RPH3A: variants seen among roughly 807,000 people sequenced by gnomAD.
RPH3A encodes the protein rabphilin-3A.
RPH3A carries 48 observed loss-of-function variants against 102.2 expected under a neutral mutation model. The ratio of observed to expected loss-of-function variants is 0.47; its 90% confidence interval spans 0.37 to 0.60. The LOEUF (loss-of-function observed/expected upper bound fraction) is 0.60. Ranked by LOEUF, RPH3A falls within the 20% of genes least tolerant of loss-of-function variation. The pLI, the probability that RPH3A is intolerant of heterozygous loss-of-function variation, is 0.00. For synonymous variants in RPH3A, 310 were observed against 324.3 expected (o/e 0.96, Z 0.47); for missense variants, 781 against 910.1 (o/e 0.86, Z 1.83).
rs1566255250 is a variant in RPH3A, at chr12:112,678,291, A to AGAGAGAGAGAG, written c.-140+102972_-140+102973insGAGAGAGAGAG. ...AAAGAAAGAAAGAAAGAAAGAAAGA[A>AGAGAGAGAGAG]AGAAAGAAAGAAAGAGAGAGAGAGA... On this transcript the variant is annotated intron_variant, in intron 1 of 21. Transcript: ENST00000543106. Among the ~76,000 whole-genome samples the AGAGAGAGAGAG allele has an allele frequency of 1.2e-3, 37 of 30,730 alleles. 2 individuals are homozygous for AGAGAGAGAGAG. Among genetic ancestry groups the AGAGAGAGAGAG allele is most frequent in the African/African-American group, 2.5e-3 (16 of 6,368 alleles). 20.2% of individuals were successfully genotyped at this position (30,730 alleles called of 152,430 possible). A position where few individuals can be genotyped will look rare whatever the true frequency, so the allele number is the denominator to read the frequency against.
intron 1 of RPH3A, among the ~76,000 whole-genome samples, chr12:112,644,904 G>A (rs529370693): frequency 6.6e-6 from 1 of 152,232 alleles, no homozygotes; most frequent in Admixed American, 6.5e-5. Flanking sequence ...AAATCAACAC[G>A]GAGAAAAGCA....
chr12:112,738,186 GTTAA>G (rs1159348259), intron 1 of RPH3A, among the ~76,000 whole-genome samples: 1 of 125,574 alleles, frequency 8.0e-6, no homozygotes, highest in African/African-American at 3.1e-5. Flanking sequence ...TTTATAGTTA[GTTAA>G]TTAATTAATT....
rs768323137 is a variant in RPH3A, at chr12:112,837,118, C to T, written c.83+616C>T. Among the ~76,000 whole-genome samples the T allele has an allele frequency of 8.5e-5, 13 of 152,302 alleles. 1 individual carries two copies. The East Asian group carries it at 2.1e-3, about 25-fold the overall frequency. On this transcript the variant is annotated intron_variant, in intron 4 of 21. Transcript: ENST00000389385. ...TGCAAAGCAGCCCCATCTTCAGTTG[C>T]GTGCACACATTCAGAAACTATGGAA...
intron 1 of RPH3A, among the ~76,000 whole-genome samples, chr12:112,740,233 T>C (rs2040699505): frequency 1.3e-5 from 2 of 152,206 alleles, no homozygotes; most frequent in African/African-American, 4.8e-5. Flanking sequence ...TTAATTTTAG[T>C]TAAACCCTTG....
At chr12:112,723,685 A>G (rs1016210943) in intron 1 of RPH3A, among the ~76,000 whole-genome samples, 18 of 152,194 alleles carry the variant, frequency 1.2e-4, no homozygotes, top group Admixed American at 4.6e-4. Context: ...ATGATACACA[A>G]TTTACTGGAG....
At position 112,879,154 on chromosome 12, in the gene RPH3A, G is replaced by T. The variant is rs202194176; in HGVS notation, c.1207G>T (p.Asp403Tyr). The change falls in exon 14 of 22, where the codon GAC becomes TAC. Residue 403 changes from aspartate (D) to tyrosine (Y), a missense_variant. By Grantham distance (160) the Asp-to-Tyr change is radical. Transcript: ENST00000389385. Reference sequence around the variant, plus strand: ...TGCCCTGGAATTCAGCCTTCTCTACGACCAGGACAACAGCTCCCTGCAGTG... The same window carrying T: ...TGCCCTGGAATTCAGCCTTCTCTACTACCAGGACAACAGCTCCCTGCAGTG... The part of the protein sequence containing the change: ...LGALEFSLLY[D>Y]QDNSSLQCTI... The T allele has an allele frequency of 1.2e-6, 2 of 1,614,002 alleles. No homozygotes were observed. The highest frequency in any genetic ancestry group is 1.7e-6 in the Non-Finnish European group (2 of 1,179,964).
intron 2 of RPH3A, among the ~76,000 whole-genome samples, chr12:112,813,661 G>C (rs535988025): frequency 6.6e-6 from 1 of 152,236 alleles, no homozygotes; most frequent in East Asian, 1.9e-4. Flanking sequence ...GCCTAGTGAG[G>C]GTTTTGCCTG....
intron 5 of RPH3A, among the ~76,000 whole-genome samples, chr12:112,853,554 C>T (rs1170368055): frequency 6.6e-6 from 1 of 152,124 alleles, no homozygotes; most frequent in Non-Finnish European, 1.5e-5. Context: ...TATGGTTGGG[C>T]ATAGTGGCTC....
At chr12:112,668,251 A>T (rs2040101379) in intron 1 of RPH3A, among the ~76,000 whole-genome samples, 1 of 152,180 alleles carries the variant, frequency 6.6e-6, no homozygotes, top group African/African-American at 2.4e-5. Context: ...CAAAATGTTT[A>T]TGAAATAAAT....
chr12:112,824,489 C>G (rs1029904540), intron 2 of RPH3A, among the ~76,000 whole-genome samples: 27 of 152,248 alleles, frequency 1.8e-4, no homozygotes, highest in African/African-American at 5.5e-4. Context: ...GTGCCTCCCC[C>G]CAACTGCATC....
chr12:112,817,231 C>A (rs2136131191), intron 2 of RPH3A, among the ~76,000 whole-genome samples: 1 of 152,244 alleles, frequency 6.6e-6, no homozygotes, highest in African/African-American at 2.4e-5. Context: ...AGCCCTGGCC[C>A]CACTTTCTCT....
At chr12:112,599,772 A>T (rs566566653) in intron 1 of RPH3A, among the ~76,000 whole-genome samples, 52 of 152,232 alleles carry the variant, frequency 3.4e-4, no homozygotes, top group Admixed American at 1.0e-3. Context: ...AACTGATATT[A>T]AAAAAAAGTT....
rs565270326 is a variant in RPH3A at position 112,730,960 on chromosome 12, C to G, written c.-139-61183C>G. On this transcript the variant is annotated intron_variant, in intron 1 of 21. Transcript: ENST00000543106. ...CAGCTCTTGTAGGCTGCTACAGCCT[C>G]CCTGGTGACTGGCTGAACAGAAAGG... 1.8e-4 allele frequency among the ~76,000 whole-genome samples: 27 copies of G among 152,280 alleles called. No individual in the cohort carries two copies. In the South Asian group the frequency reaches 5.6e-3, roughly 32 times the overall value.
chr12:112,671,478 C>T (rs1474142232), intron 1 of RPH3A, among the ~76,000 whole-genome samples: 1 of 152,128 alleles, frequency 6.6e-6, no homozygotes, highest in Non-Finnish European at 1.5e-5. Context: ...AAATAACTGC[C>T]CCAGAAATTG....
chr12:112,581,583 A>G (rs1222991147), intron 1 of RPH3A, among the ~76,000 whole-genome samples: 1 of 152,220 alleles, frequency 6.6e-6, no homozygotes, highest in Non-Finnish European at 1.5e-5. Context: ...GGAGGTAGCT[A>G]GAGATGGGGT....
intron 1 of RPH3A, among the ~76,000 whole-genome samples, chr12:112,653,216 C>T (rs1164533397): frequency 1.3e-5 from 2 of 151,774 alleles, no homozygotes; most frequent in African/African-American, 4.8e-5. Flanking sequence ...CGGTGAAACC[C>T]CATCGCTACT....
chr12:112,691,740 T>C (rs2040308765), intron 1 of RPH3A, among the ~76,000 whole-genome samples: 1 of 152,228 alleles, frequency 6.6e-6, no homozygotes, highest in Non-Finnish European at 1.5e-5. Context: ...AGATAAGGCC[T>C]GGGAGCTAAA....
chr12:112,590,210 CT>C (rs1408191126), intron 1 of RPH3A, among the ~76,000 whole-genome samples: 2 of 152,240 alleles, frequency 1.3e-5, no homozygotes, highest in Middle Eastern at 3.4e-3. Context: ...CCCATTAGTG[CT>C]GAGAAAAGAG....
intron 1 of RPH3A, among the ~76,000 whole-genome samples, chr12:112,735,408 C>T (rs917600197): frequency 6.6e-6 from 1 of 152,106 alleles, no homozygotes; most frequent in African/African-American, 2.4e-5. Context: ...TCTAAGAACT[C>T]AAATTAGGTA....
Sources: gnomAD v4.1 joint callset for allele counts (sites outside exome capture counted in the v4.1 genomes callset) on GRCh38, gnomAD v4.1.1 for gene constraint, MANE v1.5 for transcripts, NCBI Gene and HGNC (gene_info 2026-07-23, HGNC 2026-07-21) for gene names.